Variants in DNAJC13 observed in about 807,000 individuals in gnomAD.
The protein encoded by DNAJC13 is dnaJ homolog subfamily C member 13.
DNAJC13 carries 75 observed loss-of-function variants against 290.5 expected under a neutral mutation model. That is an observed-to-expected ratio of 0.26 (90% CI 0.21 to 0.31). The LOEUF (loss-of-function observed/expected upper bound fraction) is 0.31, where lower values mean the gene tolerates loss of function less well. Ranked by LOEUF, DNAJC13 falls within the 10% of genes least tolerant of loss-of-function variation. DNAJC13 has a pLI of 1.00. For synonymous variants in DNAJC13, 862 were observed against 892.0 expected, an observed-to-expected ratio of 0.97 and a Z score of 0.60; for missense variants, 2,260 against 2,674.5, an observed-to-expected ratio of 0.85 and a Z score of 3.42.
intron 42 of DNAJC13, among the ~76,000 whole-genome samples, chr3:132,506,122 G>A (rs1005345093): frequency 1.8e-4 from 24 of 130,682 alleles, no homozygotes; most frequent in Non-Finnish European, 2.5e-4. Context: ...GCATGATCTC[G>A]GCTCGTCGCA....
chr3:132,503,076 G>A (rs1441481290), intron 40 of DNAJC13, 138 bp from the exon 41 acceptor site: 3 of 807,054 alleles, frequency 3.7e-6, no homozygotes, highest in East Asian at 5.4e-5. Context: ...TACCTCAGTG[G>A]TAGGTACTCT....
At chr3:132,419,411 A>G (rs1183364675) in intron 1 of DNAJC13, among the ~76,000 whole-genome samples, 1 of 152,232 alleles carries the variant, frequency 6.6e-6, no homozygotes, top group African/African-American at 2.4e-5. Flanking sequence ...AAATATTAAT[A>G]AGTGAATGAA....
intron 25 of DNAJC13, among the ~76,000 whole-genome samples, chr3:132,479,669 G>A (rs1475601493): frequency 1.3e-5 from 2 of 152,024 alleles, no homozygotes; most frequent in African/African-American, 4.8e-5. Context: ...TGTACATTTT[G>A]TTGATAAAAA....
At position 132,525,640 on chromosome 3, in the gene DNAJC13, A is replaced by T; in HGVS notation, c.6091A>T (p.Thr2031Ser). ...GETLETLTMA[T>S]VCLFSAQPQL... Reference sequence around the variant, plus strand: ...AACTCTGGAAACCTTGACAATGGCAACAGTGTGTCTCTTCAGCGCACAACC... The same window carrying T: ...AACTCTGGAAACCTTGACAATGGCATCAGTGTGTCTCTTCAGCGCACAACC... The change falls in exon 52 of 56, where the codon ACA (threonine) becomes TCA (serine). Residue 2031 changes from threonine to serine, a missense_variant. Transcript: ENST00000260818. The T allele has an allele frequency of 1.2e-6, 2 of 1,614,004 alleles. No individual in the cohort carries two copies. Among genetic ancestry groups the T allele is most frequent in the Non-Finnish European group, 1.7e-6 (2 of 1,179,970 alleles).
intron 35 of DNAJC13, 105 bp downstream of exon 35, chr3:132,495,271 A>G: frequency 2.4e-6 from 2 of 826,334 alleles, no homozygotes; most frequent in Non-Finnish European, 2.0e-6. Context: ...GCCTCATAAT[A>G]TATACTCAGT....
Position 132,492,582 on chromosome 3 carries a change from A to C in DNAJC13, c.3792A>C (p.Thr1264=). ...NIYYLKQLCD[T]LRFPDWPIKD... ...ATTACCTCAAACAACTGTGTGATAC[A>C]CTCCGGTTTCCAGATTGGCCAATTA... is the stretch of plus-strand genomic sequence containing the variant. The change falls in exon 33 of 56, where the codon ACA becomes ACC. Residue 1264 remains threonine (T), a synonymous_variant. Coordinates refer to ENST00000260818, the MANE Select transcript of DNAJC13 (RefSeq NM_015268.4). 1 of 1,613,528 alleles carries C rather than the reference A, an allele frequency of 6.2e-7. No individual in the cohort carries two copies. Among genetic ancestry groups the C allele is most frequent in the Non-Finnish European group, 8.5e-7 (1 of 1,179,706 alleles).
intron 2 of DNAJC13, among the ~76,000 whole-genome samples, chr3:132,445,207 G>A (rs1018370896): frequency 4.6e-5 from 7 of 151,822 alleles, no homozygotes; most frequent in Admixed American, 3.9e-4. Context: ...GATTCTCTCC[G>A]TAGATGTCAA....
chr3:132,477,803 C>T lies in DNAJC13; in HGVS notation c.2460C>T (p.Cys820=), dbSNP rs868316001. The part of the protein sequence containing the change: ...NHHEFEVKYE[C]LAEEIKIGDY... Reference sequence around the variant, plus strand: ...TGTTTATGAAGGTTAAATATGAGTGCCTGGCAGAGGAAATTAAAATAGGAG... The same window carrying T: ...TGTTTATGAAGGTTAAATATGAGTGTCTGGCAGAGGAAATTAAAATAGGAG... The change falls in exon 23 of 56, where the codon TGC becomes TGT. Residue 820 remains cysteine (C), a synonymous_variant. Coordinates refer to ENST00000260818, the MANE Select transcript of DNAJC13 (RefSeq NM_015268.4). 5.6e-6 allele frequency: 9 copies of T among 1,610,632 alleles called. No individual in the cohort carries two copies. The highest frequency in any genetic ancestry group is 7.6e-6 in the Non-Finnish European group (9 of 1,178,872).
At chr3:132,531,516 G>A (rs1265416864) in intron 55 of DNAJC13, among the ~76,000 whole-genome samples, 2 of 152,224 alleles carry the variant, frequency 1.3e-5, no homozygotes, top group East Asian at 3.9e-4. Context: ...AGATATTCTT[G>A]GCTGGGCGCG....
At chr3:132,451,382 C>A (rs979243511) in intron 6 of DNAJC13, among the ~76,000 whole-genome samples, 1 of 152,148 alleles carries the variant, frequency 6.6e-6, no homozygotes, top group African/African-American at 2.4e-5. Flanking sequence ...TGTTTATAAT[C>A]TGAAATCTGA....
intron 42 of DNAJC13, 47 bp from the exon 43 acceptor site, chr3:132,507,190 A>G (rs1238322796): frequency 4.9e-6 from 6 of 1,216,162 alleles, no homozygotes; most frequent in Non-Finnish European, 7.3e-6. Flanking sequence ...TAAACTGAAC[A>G]TGGATAGATT....
chr3:132,499,317 C>G lies in DNAJC13; in HGVS notation c.4341+7C>G. On this transcript the variant is annotated splice_region_variant and intron_variant, in intron 37 of 55. Coordinates refer to ENST00000260818, the MANE Select transcript of DNAJC13 (RefSeq NM_015268.4). The stretch of plus-strand genomic sequence containing the variant: ...AAGAGAGAATGGACTAGAGGTAATA[C>G]GGAGTGACCTTTGTGCTTTTTAAGC... The G allele has an allele frequency of 6.4e-7, 1 of 1,574,330 alleles. No homozygotes were observed. Among genetic ancestry groups the G allele is most frequent in the Non-Finnish European group, 8.6e-7 (1 of 1,158,450 alleles).
intron 20 of DNAJC13, among the ~76,000 whole-genome samples, chr3:132,469,205 A>G (rs1290355096): frequency 1.3e-5 from 2 of 152,208 alleles, no homozygotes; most frequent in Non-Finnish European, 2.9e-5. Flanking sequence ...AACAGCAAAT[A>G]ATCTTTGTGA....
chr3:132,508,517 C>G (rs1366044617), intron 43 of DNAJC13, among the ~76,000 whole-genome samples: 1 of 152,186 alleles, frequency 6.6e-6, no homozygotes. Context: ...ATTTACCCTT[C>G]TGAAAATCCT....
chr3:132,442,844 T>A (rs1933117121), intron 2 of DNAJC13, among the ~76,000 whole-genome samples: 1 of 152,184 alleles, frequency 6.6e-6, no homozygotes, highest in African/African-American at 2.4e-5. Context: ...GAATATTAAT[T>A]TTTCAGTTAG....
At chr3:132,469,500 C>T (rs1341581547) in intron 20 of DNAJC13, among the ~76,000 whole-genome samples, 1 of 152,152 alleles carries the variant, frequency 6.6e-6, no homozygotes, top group Non-Finnish European at 1.5e-5. Flanking sequence ...AATTCAGTCA[C>T]TTAGTTTATG....
chr3:132,459,222 CCATAGTAA>C (rs1178145942), intron 13 of DNAJC13, among the ~76,000 whole-genome samples: 2 of 152,104 alleles, frequency 1.3e-5, no homozygotes, highest in African/African-American at 4.8e-5. Context: ...ATACAATTAA[CCATAGTAA>C]CATACAGTAT....
chr3:132,471,483 C>T, intron 20 of DNAJC13, among the ~76,000 whole-genome samples: 1 of 141,618 alleles, frequency 7.1e-6, no homozygotes, highest in Non-Finnish European at 1.6e-5. Flanking sequence ...CTCCTCACTT[C>T]TCAGACGGGG....
intron 21 of DNAJC13, among the ~76,000 whole-genome samples, chr3:132,473,762 T>C (rs2107687682): frequency 6.6e-6 from 1 of 152,288 alleles, no homozygotes; most frequent in East Asian, 1.9e-4. Flanking sequence ...TAACTCACAG[T>C]ACTCACTCTG....
Sources: allele counts gnomAD v4.1 joint callset (sites outside exome capture counted in the v4.1 genomes callset), GRCh38; gene constraint gnomAD v4.1.1; transcripts MANE v1.5; gene names NCBI Gene and HGNC (gene_info 2026-07-23, HGNC 2026-07-21).